VPS37D: variants seen among roughly 807,000 people sequenced by gnomAD.
VPS37D encodes the protein vacuolar protein sorting-associated protein 37D.
VPS37D carries 5 observed loss-of-function variants against 22.0 expected under a neutral mutation model. The ratio of observed to expected loss-of-function variants is 0.23; its 90% CI spans 0.12 to 0.48. The LOEUF (loss-of-function observed/expected upper bound fraction) is 0.48, where lower values mean the gene tolerates loss of function less well. Ranked by LOEUF, VPS37D falls within the 20% of genes least tolerant of loss-of-function variation. The pLI, the probability that VPS37D is intolerant of heterozygous loss-of-function variation, is 0.99. For synonymous variants in VPS37D, 174 were observed against 159.3 expected (o/e 1.09, Z -0.69); for missense variants, 384 against 345.8 (o/e 1.11, Z -0.88).
intron 3 of VPS37D, among the ~76,000 whole-genome samples, chr7:73,670,734 C>T (rs567730295): frequency 1.3e-5 from 2 of 151,734 alleles, no homozygotes; most frequent in African/African-American, 4.8e-5. Context: ...TGCTTGAACC[C>T]GGGAGGTGGA....
Position 73,668,058 on chromosome 7 carries a change from G to A in VPS37D, c.100G>A (p.Glu34Lys). Residue 34 changes from glutamate to lysine, a missense_variant, in exon 1 of 4, where the codon GAG becomes AAG. Transcript: ENST00000324941. ...GCAGCTCCGGGACCTGCTTCAGGAT[G>A]AGCCCAAGCTGGACCGGATCGTGCG... The part of the protein sequence containing the change: ...TGQLRDLLQD[E>K]PKLDRIVRLS... 8.6e-7 allele frequency: 1 copy of A among 1,167,724 alleles called. No homozygotes were observed. Among genetic ancestry groups the A allele is most frequent in the Non-Finnish European group, 1.1e-6 (1 of 935,280 alleles). 72.3% of individuals were successfully genotyped at this position (1,167,724 alleles called of 1,614,324 possible). A position where few individuals can be genotyped will look rare whatever the true frequency, so the allele number is the denominator to read the frequency against.
Position 73,671,466 on chromosome 7 carries a change from GCAGGCCCCTCCC to G in VPS37D, c.*92_*103del. 1.9e-6 allele frequency: 1 copy of G among 525,330 alleles called. No homozygotes were observed. The highest frequency in any genetic ancestry group is 3.0e-6 in the Non-Finnish European group (1 of 331,410). 32.5% of individuals were successfully genotyped at this position (525,330 alleles called of 1,614,324 possible). A position where few individuals can be genotyped will look rare whatever the true frequency, so the allele number is the denominator to read the frequency against. On this transcript the variant is annotated 3_prime_UTR_variant, in exon 4 of 4. Transcript: ENST00000324941. The stretch of plus-strand genomic sequence containing the variant: ...CCCCACTGCCTGGGTGGGGGGAGGG[GCAGGCCCCTCCC>G]CCTGGCCTCAGGCAGGCCCTGGCCC...
At position 73,667,975 on chromosome 7, in the gene VPS37D, C is replaced by A; in HGVS notation, c.17C>A (p.Ala6Glu). Reference sequence around the variant, plus strand: ...GCGGGCGGCATGTACCGGGCCCGGGCGGCGCGGGCGGGGCCGGAGCCCGGC... The same window carrying A: ...GCGGGCGGCATGTACCGGGCCCGGGAGGCGCGGGCGGGGCCGGAGCCCGGC... MYRAR[A>E]ARAGPEPGSP... Residue 6 changes from alanine (A) to glutamate (E), a missense_variant, in exon 1 of 4, where the codon GCG becomes GAG. Physicochemically the swap from Ala to Glu is moderately radical, Grantham distance 107. Coordinates refer to ENST00000324941, the MANE Select transcript of VPS37D (RefSeq NM_001077621.2). 1 of 1,073,194 alleles carries A rather than the reference C, an allele frequency of 9.3e-7. No homozygotes were observed. The allele number at this position is 1,073,194 out of a possible 1,614,324, so 66.5% of individuals were successfully genotyped here. A position where few individuals can be genotyped will look rare whatever the true frequency, so the allele number is the denominator to read the frequency against.
Position 73,670,086 on chromosome 7 carries a change from C to T in VPS37D, c.377C>T (p.Ala126Val), listed in dbSNP as rs782752265. Residue 126 changes from alanine (A) to valine (V), a missense_variant, in exon 3 of 4, where the codon GCG becomes GTG. By Grantham distance (64) the Ala-to-Val change is moderately conservative. Coordinates refer to ENST00000324941, the MANE Select transcript of VPS37D (RefSeq NM_001077621.2). ...TGGCTGCAGGCTGAGCTAGAAGAGG[C>T]GGAGCAGGAGGCAGAGGTGAGGGGA... The part of the protein sequence containing the change: ...LGWLQAELEE[A>V]EQEAEEQMEQ... 4.1e-6 allele frequency: 6 copies of T among 1,478,788 alleles called. No homozygotes were observed. The highest frequency in any genetic ancestry group is 4.5e-6 in the Non-Finnish European group (5 of 1,103,086). The allele number at this position is 1,478,788 out of a possible 1,614,324, so 91.6% of individuals were successfully genotyped here.
chr7:73,667,217 G>A (rs2008920), upstream of VPS37D, among the ~76,000 whole-genome samples: 5,862 of 151,526 alleles, frequency 0.039, 115 homozygotes, highest in African/African-American at 0.053. Flanking sequence ...CTCGTGATCC[G>A]CCCGCCTCGG....
rs1455226645 is a variant in VPS37D at position 73,671,303 on chromosome 7, C to T, written c.683C>T (p.Ser228Phe). 69 of 1,397,026 alleles carry T rather than the reference C, an allele frequency of 4.9e-5. No individual in the cohort carries two copies. The highest frequency in any genetic ancestry group is 6.1e-5 in the Non-Finnish European group (66 of 1,075,676). The allele number at this position is 1,397,026 out of a possible 1,614,324, so 86.5% of individuals were successfully genotyped here. The change falls in exon 4 of 4, where the codon TCC becomes TTC. Residue 228 changes from serine to phenylalanine, a missense_variant. Physicochemically the swap from Ser to Phe is radical, Grantham distance 155. Coordinates refer to ENST00000324941, the MANE Select transcript of VPS37D (RefSeq NM_001077621.2). ...DSRPVPPLKGSPGCPLGPAPL... is the reference protein window; with the variant it reads ...DSRPVPPLKGFPGCPLGPAPL... ...CGCCCAGTGCCCCCACTGAAGGGCT[C>T]CCCCGGGTGCCCCCTCGGCCCGGCC... is the stretch of plus-strand genomic sequence containing the variant.
Position 73,671,540 on chromosome 7 carries a change from G to A in VPS37D, c.*164G>A, listed in dbSNP as rs1196482983. The A allele has an allele frequency of 2.8e-6, 1 of 351,698 alleles. No homozygotes were observed. The highest frequency in any genetic ancestry group is 4.7e-5 in the Admixed American group (1 of 21,062). 21.8% of individuals were successfully genotyped at this position (351,698 alleles called of 1,614,324 possible). ...CTGGGGAGGAGGGTCCCCTGGAAGA[G>A]GCCCGAGAGGGGGCTGGGGGTGGGT... On this transcript the variant is annotated 3_prime_UTR_variant, in exon 4 of 4. Coordinates refer to ENST00000324941, the MANE Select transcript of VPS37D (RefSeq NM_001077621.2).
At chr7:73,669,812 A>C (rs2116629670) in intron 2 of VPS37D, among the ~76,000 whole-genome samples, 1 of 152,274 alleles carries the variant, frequency 6.6e-6, no homozygotes, top group South Asian at 2.1e-4. Flanking sequence ...AGGGGGACAA[A>C]GCCTCCCCTG....
At chr7:73,668,858 A>T (rs1797440855) in intron 1 of VPS37D, among the ~76,000 whole-genome samples, 1 of 151,518 alleles carries the variant, frequency 6.6e-6, no homozygotes, top group African/African-American at 2.4e-5. Flanking sequence ...TGAGGATTCC[A>T]CTGGAGGCAG....
chr7:73,671,197 T>C lies in VPS37D; in HGVS notation c.577T>C (p.Phe193Leu), dbSNP rs1397676818. ...CTCGGCTGCTGATCCCCCCAAATCC[T>C]TCCCGGCTGCAGCTGTCCTGCCCAC... ...PTSAADPPKS[F>L]PAAAVLPTGA... is the part of the protein sequence containing the mutation. The change falls in exon 4 of 4, where the codon TTC becomes CTC. Residue 193 changes from phenylalanine to leucine, a missense_variant. Coordinates refer to ENST00000324941, the MANE Select transcript of VPS37D (RefSeq NM_001077621.2). The C allele has an allele frequency of 7.5e-6, 12 of 1,594,308 alleles. No homozygotes were observed. The highest frequency in any genetic ancestry group is 1.3e-5 in the African/African-American group (1 of 74,268).
chr7:73,670,253 C>T (rs1797477216), intron 3 of VPS37D, 151 bp downstream of exon 3: 1 of 1,328,036 alleles, frequency 7.5e-7, no homozygotes, highest in South Asian at 1.4e-5. Context: ...GCATTGCTGT[C>T]CACCAGCACT....
chr7:73,669,513 G>A lies in VPS37D; in HGVS notation c.233G>A (p.Gly78Asp). Residue 78 changes from glycine (G) to aspartate (D), a missense_variant, in exon 2 of 4, where the codon GGC (glycine) becomes GAC (aspartate). By Grantham distance (94) the Gly-to-Asp change is moderately conservative (BLOSUM62 -1). Transcript: ENST00000324941. ...GCCCTGCGGCCCCGCCTGGAGATGGGCCGGGCTGCCCTGGCCATCAAATAC... is the reference window on the plus strand; with the variant it reads ...GCCCTGCGGCCCCGCCTGGAGATGGACCGGGCTGCCCTGGCCATCAAATAC... ...NLALRPRLEM[G>D]RAALAIKYQE... is the part of the protein sequence containing the mutation. 1 of 1,583,920 alleles carries A rather than the reference G, an allele frequency of 6.3e-7. No individual in the cohort carries two copies. Among genetic ancestry groups the A allele is most frequent in the Admixed American group, 1.8e-5 (1 of 55,658 alleles).
intron 3 of VPS37D, among the ~76,000 whole-genome samples, chr7:73,670,723 T>C (rs1215816426): frequency 2.0e-5 from 3 of 151,730 alleles, no homozygotes; most frequent in Admixed American, 2.0e-4. Flanking sequence ...GGCAGGAGAA[T>C]TGCTTGAACC....
At chr7:73,665,566 G>A (rs2116621774), upstream of VPS37D, among the ~76,000 whole-genome samples, 1 of 152,288 alleles carries the variant, frequency 6.6e-6, no homozygotes. Context: ...AAAAGTAGAA[G>A]TGTTACTTTT....
In VPS37D at chr7:73,671,288, C is replaced by T. The variant is rs1389733509; in HGVS notation, c.668C>T (p.Pro223Leu). Residue 223 changes from proline (P) to leucine (L), a missense_variant, in exon 4 of 4, where the codon CCC becomes CTC. Pro to Leu is a moderately conservative substitution (Grantham distance 98). Coordinates refer to ENST00000324941, the MANE Select transcript of VPS37D (RefSeq NM_001077621.2). ...CCCCCCTTGGACTCCCGCCCAGTGCCCCCACTGAAGGGCTCCCCCGGGTGC... is the reference window on the plus strand; with the variant it reads ...CCCCCCTTGGACTCCCGCCCAGTGCTCCCACTGAAGGGCTCCCCCGGGTGC... ...SLPPLDSRPV[P>L]PLKGSPGCPL... 2.1e-6 allele frequency: 3 copies of T among 1,438,632 alleles called. No individual in the cohort carries two copies. Among genetic ancestry groups the T allele is most frequent in the Non-Finnish European group, 2.7e-6 (3 of 1,099,512 alleles). 89.1% of individuals were successfully genotyped at this position (1,438,632 alleles called of 1,614,324 possible).
upstream of VPS37D, among the ~76,000 whole-genome samples, chr7:73,666,215 G>A (rs1382445549): frequency 3.9e-5 from 6 of 152,158 alleles, no homozygotes; most frequent in Non-Finnish European, 8.8e-5. Flanking sequence ...CCTGCCATTT[G>A]TCTTATACTA....
chr7:73,670,934 C>A (rs1347296589), intron 3 of VPS37D, 80 bp from the exon 4 acceptor site: 24 of 1,540,118 alleles, frequency 1.6e-5, no homozygotes, highest in Middle Eastern at 2.1e-4. Flanking sequence ...TGGGGAGGGC[C>A]TCAGGGTGGG....
At position 73,667,984 on chromosome 7, in the gene VPS37D, C is replaced by G; in HGVS notation, c.26C>G (p.Ala9Gly). 9.2e-7 allele frequency: 1 copy of G among 1,088,008 alleles called. No individual in the cohort carries two copies. The highest frequency in any genetic ancestry group is 1.1e-6 in the Non-Finnish European group (1 of 894,650). The allele number at this position is 1,088,008 out of a possible 1,614,324, so 67.4% of individuals were successfully genotyped here. A position where few individuals can be genotyped will look rare whatever the true frequency, so the allele number is the denominator to read the frequency against. The change falls in exon 1 of 4, where the codon GCG becomes GGG. Residue 9 changes from alanine (A) to glycine (G), a missense_variant. Physicochemically the swap from Ala to Gly is moderately conservative, Grantham distance 60. Transcript: ENST00000324941. ...ATGTACCGGGCCCGGGCGGCGCGGG[C>G]GGGGCCGGAGCCCGGCAGCCCGGGG... is the stretch of plus-strand genomic sequence containing the variant. MYRARAARAGPEPGSPGRF... is the reference protein window; with the variant it reads MYRARAARGGPEPGSPGRF...
chr7:73,668,458 A>C (rs562339455), intron 1 of VPS37D, among the ~76,000 whole-genome samples: 2 of 147,760 alleles, frequency 1.4e-5, no homozygotes, highest in South Asian at 4.4e-4. Flanking sequence ...CACTGGGAGA[A>C]CTAGGGGCCT....
Sources: gnomAD v4.1 joint callset for allele counts (sites outside exome capture counted in the v4.1 genomes callset) on GRCh38, gnomAD v4.1.1 for gene constraint, MANE v1.5 for transcripts, NCBI Gene and HGNC (gene_info 2026-07-23, HGNC 2026-07-21) for gene names.